MYO16: variants seen among roughly 807,000 people sequenced by gnomAD.
MYO16 encodes unconventional myosin-XVI.
In MYO16, 94 loss-of-function variants were observed where a neutral mutation model predicts 205.3. The ratio of observed to expected loss-of-function variants is 0.46; its 90% CI spans 0.39 to 0.54. The LOEUF is 0.54. Among genes scored for constraint, MYO16 ranks in the 20% least tolerant of loss-of-function variants. The pLI, the probability that MYO16 is intolerant of heterozygous loss-of-function variation, is 0.00. For synonymous variants in MYO16, 988 were observed against 954.0 expected, an observed-to-expected ratio of 1.04 and a Z score of -0.66; for missense variants, 2,315 against 2,387.5, an observed-to-expected ratio of 0.97 and a Z score of 0.63.
intron 1 of MYO16, among the ~76,000 whole-genome samples, chr13:108,603,888 G>T (rs1304438051): frequency 6.6e-6 from 1 of 152,044 alleles, no homozygotes; most frequent in African/African-American, 2.4e-5. Flanking sequence ...TATATTGAGT[G>T]CCTGTATTAG....
chr13:108,545,854 C>G, the MYO16 span, among the ~76,000 whole-genome samples: 343 of 152,264 alleles, frequency 2.3e-3, no homozygotes, highest in African/African-American at 7.8e-3. Flanking sequence ...GCTTTTAATA[C>G]TTACTGTGTG....
At chr13:109,042,083 C>T (rs559968177) in intron 23 of MYO16, among the ~76,000 whole-genome samples, 3 of 151,962 alleles carry the variant, frequency 2.0e-5, no homozygotes, top group Non-Finnish European at 2.9e-5. Flanking sequence ...AGGCTGATCT[C>T]GAACTCTTGA....
chr13:108,574,515 A>T, the MYO16 span, among the ~76,000 whole-genome samples: 3 of 152,190 alleles, frequency 2.0e-5, no homozygotes, highest in South Asian at 2.1e-4. Context: ...ACTAACTTTT[A>T]TGTAACAGGA....
intron 20 of MYO16, among the ~76,000 whole-genome samples, chr13:108,982,229 A>G (rs1342135808): frequency 6.6e-6 from 1 of 152,240 alleles, no homozygotes; most frequent in African/African-American, 2.4e-5. Context: ...AGTAGATTAT[A>G]CCTGCTCTTG....
intron 4 of MYO16, among the ~76,000 whole-genome samples, chr13:108,727,949 CT>C (rs367672465): frequency 6.6e-5 from 10 of 151,332 alleles, no homozygotes; most frequent in East Asian, 1.9e-4. Flanking sequence ...TATATTGAAT[CT>C]TTTTTTTTCT....
the MYO16 span, among the ~76,000 whole-genome samples, chr13:108,578,721 C>G: frequency 0.027 from 4,076 of 152,190 alleles, 175 homozygotes; most frequent in African/African-American, 0.091. Context: ...GGGTACTATT[C>G]GTCGAGATAC....
intron 12 of MYO16, among the ~76,000 whole-genome samples, chr13:108,881,449 C>T (rs748896182): frequency 2.8e-4 from 42 of 152,238 alleles, no homozygotes; most frequent in African/African-American, 6.3e-4. Flanking sequence ...ATGACTTTGA[C>T]GAGTTGAGAG....
upstream of MYO16, among the ~76,000 whole-genome samples, chr13:108,593,460 C>CGTCCA (rs1412759976): frequency 6.6e-6 from 1 of 152,144 alleles, no homozygotes. Context: ...TTCACCTGGA[C>CGTCCA]GCACCTGAGA....
At chr13:108,922,661 A>C (rs1304123399) in intron 16 of MYO16, among the ~76,000 whole-genome samples, 1 of 152,136 alleles carries the variant, frequency 6.6e-6, no homozygotes, top group Non-Finnish European at 1.5e-5. Flanking sequence ...AACCAGACAT[A>C]CGTCGTAGGA....
At chr13:108,650,896 G>C (rs1343403803) in intron 1 of MYO16, among the ~76,000 whole-genome samples, 1 of 152,178 alleles carries the variant, frequency 6.6e-6, no homozygotes, top group Non-Finnish European at 1.5e-5. Context: ...TGATCTTAAA[G>C]GGCCAGATTT....
chr13:108,564,449 G>T, the MYO16 span, among the ~76,000 whole-genome samples: 1 of 152,164 alleles, frequency 6.6e-6, no homozygotes. Context: ...GATTACAGGT[G>T]TGAGCCACTG....
At chr13:108,498,412 G>A in the MYO16 span, among the ~76,000 whole-genome samples, 135 of 152,254 alleles carry the variant, frequency 8.9e-4, no homozygotes, top group Non-Finnish European at 1.7e-3. Flanking sequence ...GAGGGAGAGA[G>A]AGTGATTTGA....
chr13:108,534,111 C>T, the MYO16 span, among the ~76,000 whole-genome samples: 3 of 152,296 alleles, frequency 2.0e-5, no homozygotes, highest in South Asian at 4.1e-4. Context: ...TTCTTGCTTT[C>T]AAGTTCTGGT....
At chr13:108,745,611 T>A (rs1053445368) in intron 4 of MYO16, among the ~76,000 whole-genome samples, 3 of 152,106 alleles carry the variant, frequency 2.0e-5, no homozygotes, top group Non-Finnish European at 4.4e-5. Context: ...TGACCTCAGT[T>A]ACTAATACCT....
intron 14 of MYO16, among the ~76,000 whole-genome samples, chr13:108,894,264 G>T (rs143857916): frequency 1.3e-5 from 2 of 152,126 alleles, no homozygotes; most frequent in African/African-American, 4.8e-5. Flanking sequence ...AATTCGACTC[G>T]AGATTTGGGT....
Position 109,008,909 on chromosome 13 carries a change from A to G in MYO16, c.2455A>G (p.Met819Val). 2 of 1,613,032 alleles carry G rather than the reference A, an allele frequency of 1.2e-6. No homozygotes were observed. The highest frequency in any genetic ancestry group is 1.7e-6 in the Non-Finnish European group (2 of 1,179,562). Reference protein sequence around the residue: ...KNEFEQLCVNMTNEKMHHYIN... With the variant: ...KNEFEQLCVNVTNEKMHHYIN... The stretch of plus-strand genomic sequence containing the variant: ...TTCTCCACAACAGCTTTGTGTCAAC[A>G]TGACCAATGAGAAGATGCACCACTA... The change falls in exon 22 of 35, where the codon ATG (methionine) becomes GTG (valine). Residue 819 changes from methionine to valine, a missense_variant. Met to Val is a conservative substitution (Grantham distance 21). Around this residue, in one of 3 missense-constraint regions of MYO16, gnomAD observed 1,213 missense variants for 1,274.4 expected, o/e 0.95. Coordinates refer to ENST00000457511, the MANE Select transcript of MYO16 (RefSeq NM_001198950.3).
chr13:108,662,960 G>A (rs142961918), intron 1 of MYO16, among the ~76,000 whole-genome samples: 1 of 152,242 alleles, frequency 6.6e-6, no homozygotes, highest in African/African-American at 2.4e-5. Flanking sequence ...ATTTTGCTCA[G>A]CCCTCTAACT....
intron 1 of MYO16, among the ~76,000 whole-genome samples, chr13:108,623,928 G>T (rs1879632803): frequency 6.6e-6 from 1 of 152,050 alleles, no homozygotes; most frequent in Admixed American, 6.6e-5. Context: ...AGAAGGTCAG[G>T]AATAATTTAA....
intron 23 of MYO16, among the ~76,000 whole-genome samples, chr13:109,039,707 A>G (rs1170557811): frequency 6.6e-6 from 1 of 152,210 alleles, no homozygotes; most frequent in Non-Finnish European, 1.5e-5. Flanking sequence ...ATAGTATTGA[A>G]TGAGAAATGT....
Sources: allele counts gnomAD v4.1 joint callset (sites outside exome capture counted in the v4.1 genomes callset), GRCh38; gene constraint gnomAD v4.1.1; regional missense constraint gnomAD v4.1.1; transcripts MANE v1.5; gene names NCBI Gene and HGNC (gene_info 2026-07-23, HGNC 2026-07-21).